FAM184A: variants seen among roughly 807,000 people sequenced by gnomAD.
The protein encoded by FAM184A is protein FAM184A.
FAM184A carries 99 observed loss-of-function variants against 143.8 expected under a neutral mutation model. The ratio of observed to expected loss-of-function variants is 0.69; its 90% CI spans 0.58 to 0.81. FAM184A has a LOEUF of 0.81. FAM184A is among the 40% of genes least tolerant of loss of function. The probability of loss-of-function intolerance (pLI) is 0.00; values close to 1 mark genes in which losing one functional copy is unlikely to be tolerated. For synonymous variants in FAM184A, 427 were observed against 446.4 expected (o/e 0.96, Z 0.55); for missense variants, 1,217 against 1,310.5 (o/e 0.93, Z 1.10).
intron 5 of FAM184A, among the ~76,000 whole-genome samples, chr6:119,014,825 G>C (rs1035751847): frequency 6.6e-6 from 1 of 152,168 alleles, no homozygotes; most frequent in African/African-American, 2.4e-5. Flanking sequence ...TTGGGAGGCT[G>C]AGGTGGGAGG....
intron 11 of FAM184A, among the ~76,000 whole-genome samples, chr6:118,979,069 T>C (rs1294442315): frequency 6.6e-6 from 1 of 152,178 alleles, no homozygotes; most frequent in Non-Finnish European, 1.5e-5. Context: ...TACTGAGCAG[T>C]GATTGATTTC....
chr6:119,092,325 C>T (rs574254220), intron 1 of FAM184A, among the ~76,000 whole-genome samples: 2 of 152,196 alleles, frequency 1.3e-5, no homozygotes, highest in South Asian at 2.1e-4. Context: ...TTTCTAGAGA[C>T]AGGGTCTTGC....
At chr6:119,083,197 T>C (rs1788119936), upstream of FAM184A, among the ~76,000 whole-genome samples, 1 of 152,210 alleles carries the variant, frequency 6.6e-6, no homozygotes, top group African/African-American at 2.4e-5. Flanking sequence ...GGCAAGGCCT[T>C]GGGCCCAGCC....
intron 1 of FAM184A, among the ~76,000 whole-genome samples, chr6:119,035,677 CCTTCGT>C (rs913763832): frequency 4.6e-5 from 7 of 152,124 alleles, no homozygotes; most frequent in African/African-American, 1.7e-4. Flanking sequence ...CATGATAAAA[CCTTCGT>C]CTCCACAACC....
intron 13 of FAM184A, 29 bp from the exon 14 acceptor site, chr6:118,974,603 T>C (rs1783793220): frequency 7.0e-6 from 11 of 1,562,016 alleles, no homozygotes; most frequent in African/African-American, 1.4e-5. Flanking sequence ...GTTAAGAAAA[T>C]GTTATTCTGA....
intron 6 of FAM184A, among the ~76,000 whole-genome samples, chr6:119,006,895 A>G (rs1184640345): frequency 6.6e-6 from 1 of 152,220 alleles, no homozygotes; most frequent in Non-Finnish European, 1.5e-5. Context: ...TAAAATACCT[A>G]TAAGAAGCTG....
At chr6:118,964,432 A>G (rs902947422) in intron 16 of FAM184A, among the ~76,000 whole-genome samples, 1 of 152,240 alleles carries the variant, frequency 6.6e-6, no homozygotes, top group Non-Finnish European at 1.5e-5. Flanking sequence ...TATGAAAAAA[A>G]GGTAGAATCA....
At chr6:119,090,810 T>G (rs1283299859) in intron 1 of FAM184A, among the ~76,000 whole-genome samples, 1 of 152,192 alleles carries the variant, frequency 6.6e-6, no homozygotes, top group Non-Finnish European at 1.5e-5. Context: ...GAGATCCAAA[T>G]GTCTTCATCC....
At chr6:118,983,290 A>C (rs1455952321) in intron 9 of FAM184A, among the ~76,000 whole-genome samples, 1 of 152,240 alleles carries the variant, frequency 6.6e-6, no homozygotes, top group African/African-American at 2.4e-5. Context: ...AGTAATGTAA[A>C]GTGAATTAAT....
At chr6:119,053,717 A>C (rs1262987123) in intron 1 of FAM184A, among the ~76,000 whole-genome samples, 1 of 152,202 alleles carries the variant, frequency 6.6e-6, no homozygotes, top group Non-Finnish European at 1.5e-5. Context: ...GAGGTAACTG[A>C]GTGGAAAAAT....
intron 1 of FAM184A, among the ~76,000 whole-genome samples, chr6:119,064,743 G>A (rs946617407): frequency 6.6e-6 from 1 of 152,034 alleles, no homozygotes; most frequent in African/African-American, 2.4e-5. Flanking sequence ...CAAATACCAT[G>A]TTTCAATTCC....
intron 5 of FAM184A, among the ~76,000 whole-genome samples, chr6:119,013,622 T>C (rs948867044): frequency 2.0e-5 from 3 of 152,248 alleles, no homozygotes; most frequent in Non-Finnish European, 4.4e-5. Context: ...GCACAGAGAA[T>C]ACTACAGTCA....
chr6:119,023,868 T>TCTAAGTGGGCCCA, intron 2 of FAM184A, 91 bp downstream of exon 2: 1 of 1,123,190 alleles, frequency 8.9e-7, no homozygotes, highest in Non-Finnish European at 1.2e-6. Context: ...AGCCACTGAT[T>TCTAAGTGGGCCCA]CTAAGTGGGC....
At chr6:119,141,216 G>A (rs1772221128) in intron 1 of FAM184A, among the ~76,000 whole-genome samples, 1 of 152,326 alleles carries the variant, frequency 6.6e-6, no homozygotes, top group African/African-American at 2.4e-5. Context: ...TTTGCCTTAG[G>A]GTTTAGCAAC....
intron 1 of FAM184A, among the ~76,000 whole-genome samples, chr6:119,058,634 G>A (rs1787102518): frequency 2.0e-5 from 3 of 152,076 alleles, no homozygotes; most frequent in African/African-American, 7.2e-5. Context: ...CTCAGTTTCC[G>A]GAACACTTAG....
At chr6:118,962,291 A>C in intron 16 of FAM184A, 1 of 268,408 alleles carries the variant, frequency 3.7e-6, no homozygotes. Context: ...GGGAAAAAGG[A>C]TTAGGGGAGA....
At chr6:119,057,704 G>A (rs147750735) in intron 1 of FAM184A, among the ~76,000 whole-genome samples, 2 of 152,210 alleles carry the variant, frequency 1.3e-5, no homozygotes, top group South Asian at 2.1e-4. Flanking sequence ...GATTGAGCCT[G>A]TGCACTCCAC....
At chr6:118,998,920 A>C (rs1230706510) in intron 9 of FAM184A, among the ~76,000 whole-genome samples, 1 of 152,246 alleles carries the variant, frequency 6.6e-6, no homozygotes, top group African/African-American at 2.4e-5. Flanking sequence ...AATCCAACTT[A>C]ATATTTTAAG....
At chr6:118,967,676 C>A (rs1484318203) in intron 14 of FAM184A, among the ~76,000 whole-genome samples, 1 of 152,040 alleles carries the variant, frequency 6.6e-6, no homozygotes, top group Non-Finnish European at 1.5e-5. Flanking sequence ...TAGGATGGGG[C>A]AGACTGAAGA....
Sources: allele counts gnomAD v4.1 joint callset (sites outside exome capture counted in the v4.1 genomes callset), GRCh38; gene constraint gnomAD v4.1.1; transcripts MANE v1.5; gene names NCBI Gene and HGNC (gene_info 2026-07-23, HGNC 2026-07-21).